The following ARHGEF11 variants were observed in gnomAD, a reference collection of about 807,000 sequenced individuals.
The protein encoded by ARHGEF11 is Rho guanine nucleotide exchange factor 11.
Under a neutral mutation model 193.7 loss-of-function variants are expected in ARHGEF11, and 55 were observed. The observed-to-expected ratio is 0.28, with a 90% CI of 0.23 to 0.36. ARHGEF11 has a LOEUF of 0.36. ARHGEF11 is among the 10% of genes least tolerant of loss of function. The pLI is 1.00. For synonymous variants in ARHGEF11, 693 were observed against 768.0 expected (o/e 0.90, Z 1.62); for missense variants, 1,723 against 2,005.6 (o/e 0.86, Z 2.69).
chr1:156,978,408 T>C (rs1475629458), intron 5 of ARHGEF11, 26 bp from the exon 6 acceptor site: 1 of 1,563,996 alleles, frequency 6.4e-7, no homozygotes, highest in Non-Finnish European at 8.6e-7. Context: ...GAGAGACTTG[T>C]TCCAGGAGTG....
chr1:156,965,356 C>T (rs985458651), intron 11 of ARHGEF11, among the ~76,000 whole-genome samples: 2 of 152,162 alleles, frequency 1.3e-5, no homozygotes, highest in African/African-American at 2.4e-5. Flanking sequence ...AATGAAAGAG[C>T]GGCTAGGATA....
rs568739039 is a variant in ARHGEF11 at position 156,942,051 on chromosome 1, C to G, written c.3327-62G>C. 54 of 1,610,842 alleles carry G rather than the reference C, an allele frequency of 3.4e-5. No homozygotes were observed. In the East Asian group the frequency reaches 1.2e-3, roughly 35 times the overall value. On this transcript the variant is annotated intron_variant, in intron 33 of 40. Transcript: ENST00000368194. ...AGCAAGATAGCAGCACGCACCACCC[C>G]GTACTGAGCCCACTGGAACAGGGCT...
chr1:156,975,651 A>C (rs1216975768), intron 7 of ARHGEF11, among the ~76,000 whole-genome samples: 1 of 152,114 alleles, frequency 6.6e-6, no homozygotes, highest in Non-Finnish European at 1.5e-5. Context: ...ATTTACTCCC[A>C]CCTAAAATTT....
In ARHGEF11 at chr1:156,935,989, G is replaced by C. The variant is rs202085216; in HGVS notation, c.*11C>G. The stretch of plus-strand genomic sequence containing the variant: ...GGAGTGGGGACGCAGAGGATTTGGT[G>C]GTTTGTACGGTTATGGTCCTGGTGA... On this transcript the variant is annotated 3_prime_UTR_variant, in exon 41 of 41. Coordinates refer to ENST00000368194, the MANE Select transcript of ARHGEF11 (RefSeq NM_198236.3). The C allele has an allele frequency of 6.2e-7, 1 of 1,611,140 alleles. No individual in the cohort carries two copies. The highest frequency in any genetic ancestry group is 8.5e-7 in the Non-Finnish European group (1 of 1,178,330).
chr1:156,975,588 T>A (rs1663142821), intron 7 of ARHGEF11, among the ~76,000 whole-genome samples: 1 of 152,198 alleles, frequency 6.6e-6, no homozygotes, highest in Non-Finnish European at 1.5e-5. Flanking sequence ...GGGGGGAGGT[T>A]ATGCTTTTGG....
Position 156,945,150 on chromosome 1 carries a change from G to A in ARHGEF11, c.2860C>T (p.Arg954Trp). The A allele has an allele frequency of 1.2e-6, 2 of 1,614,118 alleles. No homozygotes were observed. The highest frequency in any genetic ancestry group is 8.5e-7 in the Non-Finnish European group (1 of 1,180,026). ...TCATTCACATACTTGAGAATCTCCC[G>A]GCACTGGTCCCGGGCCCGGCACAGC... ...EKLCRARDQCREILKYVNEAV... is the reference protein window; with the variant it reads ...EKLCRARDQCWEILKYVNEAV... Residue 954 changes from arginine (R) to tryptophan (W), a missense_variant, in exon 30 of 41, where the codon CGG becomes TGG. Physicochemically the swap from Arg to Trp is moderately radical, Grantham distance 101 (BLOSUM62 -3). Around this residue, in one of 5 missense-constraint regions of ARHGEF11, gnomAD observed 491 missense variants for 654.5 expected, o/e 0.75. Coordinates refer to ENST00000368194, the MANE Select transcript of ARHGEF11 (RefSeq NM_198236.3).
At chr1:156,958,983 G>A (rs1017872687) in intron 16 of ARHGEF11, 63 bp downstream of exon 16, 7 of 1,610,806 alleles carry the variant, frequency 4.3e-6, no homozygotes, top group African/African-American at 4.0e-5. Context: ...CAGAGGGAAG[G>A]AGCCAGGGCC....
At chr1:157,016,484 T>A (rs1166100363) in intron 1 of ARHGEF11, among the ~76,000 whole-genome samples, 1 of 152,192 alleles carries the variant, frequency 6.6e-6, no homozygotes, top group Non-Finnish European at 1.5e-5. Context: ...CCTCCTGAAG[T>A]GCTGGGATTA....
intron 38 of ARHGEF11, 62 bp from the exon 39 acceptor site, chr1:156,937,558 G>C: frequency 6.8e-7 from 1 of 1,480,798 alleles, no homozygotes; most frequent in Non-Finnish European, 9.0e-7. Flanking sequence ...CTATCCTCCC[G>C]TTCCTGTGGG....
chr1:156,959,116 C>G lies in ARHGEF11; in HGVS notation c.1309G>C (p.Ala437Pro). Residue 437 changes from alanine (A) to proline (P), a missense_variant, in exon 16 of 41, where the codon GCC (alanine) becomes CCC (proline). Ala to Pro is a conservative substitution (Grantham distance 27). This residue lies in a region of ARHGEF11 where 646 missense variants were observed against 710.7 expected (regional missense o/e 0.91). Coordinates refer to ENST00000368194, the MANE Select transcript of ARHGEF11 (RefSeq NM_198236.3). ...TGAGCTTCACAGAGAACACCACGGG[C>G]ATCTTCGCTGTTCCGCAGGCGCGAG... Reference protein sequence around the residue: ...IDSRLRNSEDARGVLCEAQEA... With the variant: ...IDSRLRNSEDPRGVLCEAQEA... 6.2e-7 allele frequency: 1 copy of G among 1,614,204 alleles called. No individual in the cohort carries two copies. The highest frequency in any genetic ancestry group is 8.5e-7 in the Non-Finnish European group (1 of 1,180,040).
Position 156,943,460 on chromosome 1 carries a change from A to G in ARHGEF11, c.3235+475T>C, listed in dbSNP as rs1657495396. On this transcript the variant is annotated intron_variant, in intron 32 of 40. Transcript: ENST00000368194. The stretch of plus-strand genomic sequence containing the variant: ...TCTTACAGACGAAGAAAGTGAATCC[A>G]GAGAATTTTGCTCCAGAGCCCTTTC... 2.6e-5 allele frequency among the ~76,000 whole-genome samples: 4 copies of G among 152,216 alleles called. No homozygotes were observed. The South Asian group carries it at 6.2e-4, about 24-fold the overall frequency.
intron 11 of ARHGEF11, among the ~76,000 whole-genome samples, chr1:156,964,560 TC>T (rs1221541528): frequency 2.6e-5 from 4 of 152,218 alleles, no homozygotes; most frequent in Non-Finnish European, 5.9e-5. Flanking sequence ...CTGATGCTCC[TC>T]ACCCCTTTTT....
intron 6 of ARHGEF11, among the ~76,000 whole-genome samples, chr1:156,977,475 C>T (rs192326896): frequency 8.3e-4 from 126 of 152,240 alleles, no homozygotes; most frequent in African/African-American, 2.7e-3. Context: ...TGCATTGGCA[C>T]GATCATGGCT....
At chr1:156,980,357 G>A in intron 4 of ARHGEF11, 80 bp downstream of exon 4, 1 of 1,521,434 alleles carries the variant, frequency 6.6e-7, no homozygotes, top group Non-Finnish European at 8.9e-7. Context: ...ATGAAAGTGT[G>A]CAGGATGGGC....
intron 1 of ARHGEF11, among the ~76,000 whole-genome samples, chr1:156,993,947 G>A (rs975101302): frequency 8.5e-5 from 13 of 152,142 alleles, no homozygotes; most frequent in African/African-American, 2.7e-4. Context: ...AGCAGCATAC[G>A]AATCACTTGA....
At chr1:157,000,848 A>C (rs1354403776) in intron 1 of ARHGEF11, among the ~76,000 whole-genome samples, 3 of 152,138 alleles carry the variant, frequency 2.0e-5, no homozygotes, top group Non-Finnish European at 4.4e-5. Context: ...TCCCAGCTGT[A>C]ATGGGGGGCA....
rs894510320 is a variant in ARHGEF11 at position 156,958,677 on chromosome 1, G to T, written c.1502+65C>A. 3.1e-6 allele frequency: 5 copies of T among 1,604,794 alleles called. No homozygotes were observed. The Admixed American group carries it at 8.4e-5, about 27-fold the overall frequency. ...AAGAGGGGGAGAGGTTGAAAGAACA[G>T]ACCCACAAAATATGTCAACCTGCTT... On this transcript the variant is annotated intron_variant, in intron 17 of 40. Coordinates refer to ENST00000368194, the MANE Select transcript of ARHGEF11 (RefSeq NM_198236.3).
chr1:156,980,616 G>T, intron 3 of ARHGEF11, 130 bp from the exon 4 acceptor site: 3 of 1,027,466 alleles, frequency 2.9e-6, no homozygotes, highest in Non-Finnish European at 4.4e-6. Context: ...TCAAATTCTG[G>T]GTGTACTTCC....
chr1:157,016,244 T>A (rs1191794343), intron 1 of ARHGEF11, among the ~76,000 whole-genome samples: 3 of 152,094 alleles, frequency 2.0e-5, no homozygotes, highest in African/African-American at 7.2e-5. Context: ...ATCTTTTTAT[T>A]TTTTTTGAGA....
Sources: allele counts gnomAD v4.1 joint callset (sites outside exome capture counted in the v4.1 genomes callset), GRCh38; gene constraint gnomAD v4.1.1; regional missense constraint gnomAD v4.1.1; transcripts MANE v1.5; gene names NCBI Gene and HGNC (gene_info 2026-07-23, HGNC 2026-07-21).